FAR2: variants seen among roughly 807,000 people sequenced by gnomAD.
The protein encoded by FAR2 is fatty acyl-CoA reductase 2.
In FAR2, 19 loss-of-function variants were observed where a neutral mutation model predicts 56.0. The observed-to-expected ratio is 0.34, with a 90% CI of 0.24 to 0.50. The LOEUF (loss-of-function observed/expected upper bound fraction) is 0.50, where lower values mean the gene tolerates loss of function less well. Ranked by LOEUF, FAR2 falls within the 20% of genes least tolerant of loss-of-function variation. The pLI is 0.98. For synonymous variants in FAR2, 219 were observed against 218.8 expected, an observed-to-expected ratio of 1.00 and a Z score of -0.01; for missense variants, 508 against 642.2, an observed-to-expected ratio of 0.79 and a Z score of 2.26.
At chr12:29,182,288 G>C (rs1300545272) in intron 1 of FAR2, among the ~76,000 whole-genome samples, 1 of 152,212 alleles carries the variant, frequency 6.6e-6, no homozygotes, top group African/African-American at 2.4e-5. Context: ...TGCAGCTGCT[G>C]GCTGCAGTGG....
chr12:29,256,589 T>C (rs1052431355), intron 1 of FAR2, among the ~76,000 whole-genome samples: 2 of 152,184 alleles, frequency 1.3e-5, no homozygotes, highest in African/African-American at 4.8e-5. Context: ...GGAGCCCCTT[T>C]CTGGGCTGGC....
At chr12:29,212,201 A>G (rs796620467) in intron 1 of FAR2, among the ~76,000 whole-genome samples, 5 of 152,286 alleles carry the variant, frequency 3.3e-5, no homozygotes, top group African/African-American at 1.2e-4. Context: ...GAGACAACTT[A>G]AAGCAAATAC....
intron 1 of FAR2, among the ~76,000 whole-genome samples, chr12:29,235,128 C>G (rs1947919422): frequency 6.6e-6 from 1 of 152,200 alleles, no homozygotes; most frequent in Non-Finnish European, 1.5e-5. Context: ...TCACATCCTT[C>G]TTATTCACTA....
At chr12:29,232,567 T>C (rs1208917272) in intron 1 of FAR2, among the ~76,000 whole-genome samples, 1 of 152,100 alleles carries the variant, frequency 6.6e-6, no homozygotes, top group African/African-American at 2.4e-5. Flanking sequence ...GGTTGTTCAT[T>C]GTTTTTCATT....
chr12:29,272,796 C>A (rs1330062814), intron 2 of FAR2, among the ~76,000 whole-genome samples: 1 of 152,160 alleles, frequency 6.6e-6, no homozygotes, highest in East Asian at 1.9e-4. Context: ...TTTGAGGCTG[C>A]TGACCCTTGG....
At chr12:29,322,656 A>G (rs756090952) in intron 10 of FAR2, among the ~76,000 whole-genome samples, 15 of 152,184 alleles carry the variant, frequency 9.9e-5, no homozygotes, top group Non-Finnish European at 2.2e-4. Context: ...TCAGTCATGT[A>G]TCCCGTTTTT....
At chr12:29,237,081 A>G (rs1947954342) in intron 1 of FAR2, among the ~76,000 whole-genome samples, 1 of 152,068 alleles carries the variant, frequency 6.6e-6, no homozygotes, top group Admixed American at 6.6e-5. Context: ...ACTTGAAAAT[A>G]TTTTTTTCAG....
At chr12:29,157,619 T>C (rs1949740898) in intron 1 of FAR2, among the ~76,000 whole-genome samples, 1 of 152,168 alleles carries the variant, frequency 6.6e-6, no homozygotes, top group South Asian at 2.1e-4. Context: ...AAGAATAATA[T>C]TTCCTGAGCC....
chr12:29,325,718 A>C (rs901587269), intron 10 of FAR2, among the ~76,000 whole-genome samples: 1 of 152,218 alleles, frequency 6.6e-6, no homozygotes, highest in African/African-American at 2.4e-5. Context: ...CAAAGACACA[A>C]CATACCAGAA....
At chr12:29,176,579 T>C (rs1423338502) in intron 1 of FAR2, among the ~76,000 whole-genome samples, 1 of 152,270 alleles carries the variant, frequency 6.6e-6, no homozygotes, top group African/African-American at 2.4e-5. Flanking sequence ...ATAAGAATGA[T>C]AGCTAAAACT....
chr12:29,300,394 T>C (rs1318703231), intron 4 of FAR2, among the ~76,000 whole-genome samples: 1 of 152,188 alleles, frequency 6.6e-6, no homozygotes, highest in East Asian at 1.9e-4. Context: ...CTATACCAGA[T>C]GGAATTTTTG....
intron 2 of FAR2, among the ~76,000 whole-genome samples, chr12:29,284,890 G>A (rs1246735798): frequency 1.3e-5 from 2 of 152,180 alleles, no homozygotes; most frequent in East Asian, 3.9e-4. Context: ...CGCCCAGGCT[G>A]GAGTGCAGTG....
At position 29,331,206 on chromosome 12, in the gene FAR2, T is replaced by G. The variant is rs571994233; in HGVS notation, c.1258-1394T>G. Reference sequence around the variant, plus strand: ...TGTACGTGAAACTCTCCACTAAAGATAGGCTTTTTTTTTTTTTTAATGTCC... The same window carrying G: ...TGTACGTGAAACTCTCCACTAAAGAGAGGCTTTTTTTTTTTTTTAATGTCC... On this transcript the variant is annotated intron_variant, in intron 10 of 11. Transcript: ENST00000536681. 2.0e-3 allele frequency among the ~76,000 whole-genome samples: 265 copies of G among 132,186 alleles called. 2 individuals are homozygous for G. The highest frequency in any genetic ancestry group is 6.7e-3 in the African/African-American group (258 of 38,572). 86.7% of individuals were successfully genotyped at this position (132,186 alleles called of 152,430 possible).
intron 5 of FAR2, chr12:29,308,048 GA>G: frequency 2.2e-6 from 1 of 463,214 alleles, no homozygotes; most frequent in Non-Finnish European, 3.8e-6. Flanking sequence ...GACTGCCCTA[GA>G]GTTGGACGGA....
intron 1 of FAR2, among the ~76,000 whole-genome samples, chr12:29,210,158 A>AC (rs1465069174): frequency 3.3e-5 from 5 of 152,184 alleles, no homozygotes. Flanking sequence ...CAGAGCTAGG[A>AC]TCATGCCACT....
At chr12:29,237,584 C>CA (rs1947960852) in intron 1 of FAR2, among the ~76,000 whole-genome samples, 3 of 152,176 alleles carry the variant, frequency 2.0e-5, no homozygotes, top group Non-Finnish European at 4.4e-5. Context: ...TCAAAGAAAA[C>CA]ACTTGTGTGA....
intron 1 of FAR2, among the ~76,000 whole-genome samples, chr12:29,236,327 A>C (rs78129260): frequency 6.6e-6 from 1 of 152,206 alleles, no homozygotes; most frequent in South Asian, 2.1e-4. Context: ...GAAGCAGCAA[A>C]TTACACCCTA....
intron 4 of FAR2, among the ~76,000 whole-genome samples, chr12:29,299,009 T>C (rs1365895703): frequency 1.3e-5 from 2 of 150,768 alleles, no homozygotes; most frequent in Non-Finnish European, 3.0e-5. Context: ...AGGTCAGGAG[T>C]TCGAGACCAG....
intron 2 of FAR2, among the ~76,000 whole-genome samples, chr12:29,288,696 C>T (rs952244343): frequency 7.9e-5 from 12 of 152,076 alleles, no homozygotes; most frequent in Non-Finnish European, 1.5e-4. Context: ...ATAGAGGACT[C>T]AGGAAACACT....
Sources: allele counts gnomAD v4.1 joint callset (sites outside exome capture counted in the v4.1 genomes callset), GRCh38; gene constraint gnomAD v4.1.1; transcripts MANE v1.5; gene names NCBI Gene and HGNC (gene_info 2026-07-23, HGNC 2026-07-21).